Variants in SDK1 observed in about 807,000 individuals in gnomAD.
SDK1 encodes the protein protein sidekick-1.
A neutral mutation model predicts 245.5 loss-of-function variants in SDK1; 157 were observed. The observed-to-expected ratio is 0.64, with a 90% CI of 0.56 to 0.73. The LOEUF (loss-of-function observed/expected upper bound fraction) is 0.73. SDK1 is among the 30% of genes least tolerant of loss of function. SDK1 has a pLI of 0.00. For synonymous variants in SDK1, 1,647 were observed against 1,278.5 expected (o/e 1.29, Z -6.15); for missense variants, 3,583 against 3,002.3 (o/e 1.19, Z -4.52).
intron 3 of SDK1, among the ~76,000 whole-genome samples, chr7:3,640,397 C>T (rs912340700): frequency 6.6e-6 from 1 of 152,080 alleles, no homozygotes; most frequent in Non-Finnish European, 1.5e-5. Flanking sequence ...AGTTATTTTA[C>T]CATAAGCCTA....
At chr7:3,564,223 A>G (rs1248601558) in intron 1 of SDK1, among the ~76,000 whole-genome samples, 1 of 152,200 alleles carries the variant, frequency 6.6e-6, no homozygotes, top group African/African-American at 2.4e-5. Flanking sequence ...AATGAAATAC[A>G]GAATAATAAT....
chr7:3,880,772 C>T (rs1408518411), intron 5 of SDK1, among the ~76,000 whole-genome samples: 4 of 152,030 alleles, frequency 2.6e-5, no homozygotes, highest in Admixed American at 6.5e-5. Context: ...GAGCAGTTCC[C>T]GGGCCTCCAG....
At chr7:3,904,873 G>A (rs1323848825) in intron 5 of SDK1, among the ~76,000 whole-genome samples, 1 of 151,762 alleles carries the variant, frequency 6.6e-6, no homozygotes, top group Non-Finnish European at 1.5e-5. Flanking sequence ...GGCGCCTGTA[G>A]TCCCAGCTAC....
intron 19 of SDK1, among the ~76,000 whole-genome samples, chr7:4,052,892 G>T (rs1444151303): frequency 6.6e-6 from 1 of 151,882 alleles, no homozygotes; most frequent in East Asian, 1.9e-4. Context: ...TTCACGACCA[G>T]CCTGGCCAAG....
intron 20 of SDK1, among the ~76,000 whole-genome samples, chr7:4,074,783 G>A (rs13241881): frequency 0.32 from 46,561 of 145,694 alleles, 7,914 homozygotes; most frequent in Middle Eastern, 0.42. Context: ...GAATCGCTTG[G>A]GTTGAGTGGT....
intron 1 of SDK1, among the ~76,000 whole-genome samples, chr7:3,355,980 A>G (rs932903007): frequency 5.9e-5 from 9 of 152,078 alleles, no homozygotes; most frequent in African/African-American, 2.2e-4. Flanking sequence ...CGCTCACCCC[A>G]TTGTCATGAG....
intron 5 of SDK1, among the ~76,000 whole-genome samples, chr7:3,916,221 G>A (rs1167181431): frequency 6.6e-6 from 1 of 152,216 alleles, no homozygotes; most frequent in Non-Finnish European, 1.5e-5. Context: ...CCAGCCCTCA[G>A]TGGATCTACA....
At chr7:3,632,651 G>A (rs1782333755) in intron 2 of SDK1, among the ~76,000 whole-genome samples, 1 of 152,132 alleles carries the variant, frequency 6.6e-6, no homozygotes, top group African/African-American at 2.4e-5. Flanking sequence ...CAAATATTGT[G>A]TTCCCTTTGT....
At chr7:4,227,909 C>G (rs1583123503) in intron 40 of SDK1, among the ~76,000 whole-genome samples, 1 of 152,214 alleles carries the variant, frequency 6.6e-6, no homozygotes, top group African/African-American at 2.4e-5. Flanking sequence ...GCACCAGAAG[C>G]TAACAGCTGA....
intron 4 of SDK1, among the ~76,000 whole-genome samples, chr7:3,717,564 A>G (rs1312878284): frequency 6.6e-6 from 1 of 152,192 alleles, no homozygotes; most frequent in Non-Finnish European, 1.5e-5. Context: ...GACACAAATC[A>G]CTAATGTTGT....
chr7:3,944,778 A>T (rs1780508619), intron 5 of SDK1, among the ~76,000 whole-genome samples: 1 of 152,202 alleles, frequency 6.6e-6, no homozygotes, highest in African/African-American at 2.4e-5. Context: ...TGACAAAAAG[A>T]AAGGGAGAGG....
chr7:4,124,826 GTGAA>G (rs1784274460), intron 25 of SDK1, among the ~76,000 whole-genome samples: 1 of 152,218 alleles, frequency 6.6e-6, no homozygotes, highest in South Asian at 2.1e-4. Flanking sequence ...GAATAGATGA[GTGAA>G]TGGATGGATG....
chr7:4,180,091 C>T (rs1446931220), intron 35 of SDK1, among the ~76,000 whole-genome samples: 1 of 152,022 alleles, frequency 6.6e-6, no homozygotes, highest in South Asian at 2.1e-4. Context: ...AGGGGTGGTG[C>T]GGGAAACTGG....
chr7:3,773,839 A>G (rs757803664), intron 4 of SDK1, among the ~76,000 whole-genome samples: 3 of 152,128 alleles, frequency 2.0e-5, no homozygotes, highest in Non-Finnish European at 4.4e-5. Context: ...TTTTCCTCAT[A>G]TATGCAGTTG....
At position 4,265,484 on chromosome 7, in the gene SDK1, T is replaced by A; in HGVS notation, c.*100T>A. The A allele has an allele frequency of 7.3e-7, 1 of 1,368,232 alleles. No individual in the cohort carries two copies. The highest frequency in any genetic ancestry group is 9.4e-7 in the Non-Finnish European group (1 of 1,068,900). 84.8% of individuals were successfully genotyped at this position (1,368,232 alleles called of 1,614,324 possible). On this transcript the variant is annotated 3_prime_UTR_variant, in exon 45 of 45. Coordinates refer to ENST00000404826, the MANE Select transcript of SDK1 (RefSeq NM_152744.4). Reference sequence around the variant, plus strand: ...CCAATAACTGAGCTGAAGTTTTTGTTTAAAAAGAAAAAAATCTGATAAGTG... The same window carrying A: ...CCAATAACTGAGCTGAAGTTTTTGTATAAAAAGAAAAAAATCTGATAAGTG...
At chr7:3,613,801 A>T (rs1781678784) in intron 1 of SDK1, among the ~76,000 whole-genome samples, 1 of 151,588 alleles carries the variant, frequency 6.6e-6, no homozygotes, top group Non-Finnish European at 1.5e-5. Context: ...AGCCATAAAA[A>T]CTATGCAGAT....
At chr7:4,051,200 T>C (rs1373639677) in intron 18 of SDK1, among the ~76,000 whole-genome samples, 1 of 141,840 alleles carries the variant, frequency 7.1e-6, no homozygotes, top group African/African-American at 2.6e-5. Flanking sequence ...TGTGTATATA[T>C]TATATATGTA....
intron 1 of SDK1, among the ~76,000 whole-genome samples, chr7:3,528,899 C>G (rs915308992): frequency 2.6e-5 from 4 of 152,070 alleles, no homozygotes; most frequent in African/African-American, 9.7e-5. Context: ...TCCTTCTCTC[C>G]CCTTGCTTTT....
At chr7:3,604,972 T>C (rs1781374684) in intron 1 of SDK1, among the ~76,000 whole-genome samples, 1 of 152,174 alleles carries the variant, frequency 6.6e-6, no homozygotes, top group Non-Finnish European at 1.5e-5. Context: ...TTTGGAGATA[T>C]TCCTGTTGTC....
Sources: gnomAD v4.1 joint callset for allele counts (sites outside exome capture counted in the v4.1 genomes callset) on GRCh38, gnomAD v4.1.1 for gene constraint, MANE v1.5 for transcripts, NCBI Gene and HGNC (gene_info 2026-07-23, HGNC 2026-07-21) for gene names.